Variants in TEX2 observed in about 807,000 individuals in gnomAD.
TEX2 encodes the protein testis-expressed protein 2.
A neutral mutation model predicts 106.9 loss-of-function variants in TEX2; 53 were observed. That is an observed-to-expected ratio of 0.50 (90% CI 0.40 to 0.62). TEX2 has a LOEUF of 0.62. Ranked by LOEUF, TEX2 falls within the 20% of genes least tolerant of loss-of-function variation. TEX2 has a pLI of 0.00. For synonymous variants in TEX2, 523 were observed against 534.8 expected, an observed-to-expected ratio of 0.98 and a Z score of 0.30; for missense variants, 1,207 against 1,379.0, an observed-to-expected ratio of 0.88 and a Z score of 1.98.
At chr17:64,168,084 T>G (rs897487044) in intron 7 of TEX2, among the ~76,000 whole-genome samples, 1 of 151,976 alleles carries the variant, frequency 6.6e-6, no homozygotes, top group African/African-American at 2.4e-5. Context: ...CCATAGGAGG[T>G]GGCGCTCCTT....
rs139292653 is a variant in TEX2 at position 64,150,943 on chromosome 17, T to C, written c.3159A>G (p.Pro1053=). 1.7e-5 allele frequency: 28 copies of C among 1,613,822 alleles called. No individual in the cohort carries two copies. In the African/African-American group the frequency reaches 3.6e-4, roughly 21 times the overall value. ...TDRVWYGFRK[P]PHVELKARPK... is the part of the protein sequence containing the mutation. ...GCCGAGCTTTCAGCTCCACATGTGG[T>C]GGCTTTCGGAAACCATACCTTTTTG... is the stretch of plus-strand genomic sequence containing the variant. Residue 1053 remains proline (P), a synonymous_variant, in exon 11 of 12, where the codon CCA becomes CCG. Transcript: ENST00000584379.
chr17:64,256,664 T>A (rs1174095389), intron 1 of TEX2, among the ~76,000 whole-genome samples: 4 of 152,190 alleles, frequency 2.6e-5, no homozygotes, highest in African/African-American at 9.7e-5. Flanking sequence ...GACTTGTTTG[T>A]TGTCTAGACT....
At chr17:64,235,141 A>G (rs1454683836) in intron 1 of TEX2, among the ~76,000 whole-genome samples, 1 of 152,216 alleles carries the variant, frequency 6.6e-6, no homozygotes, top group Non-Finnish European at 1.5e-5. Context: ...TACCAACATT[A>G]TAACACTATC....
intron 1 of TEX2, among the ~76,000 whole-genome samples, chr17:64,246,903 C>A (rs1211902890): frequency 1.3e-5 from 2 of 152,192 alleles, no homozygotes; most frequent in Admixed American, 1.3e-4. Context: ...CCTTTTCTTG[C>A]TGCAGATAAG....
At chr17:64,173,650 A>G (rs2031503150) in intron 6 of TEX2, among the ~76,000 whole-genome samples, 2 of 152,210 alleles carry the variant, frequency 1.3e-5, no homozygotes, top group Non-Finnish European at 2.9e-5. Context: ...TTTCCAAAGC[A>G]TCAATGTTAT....
chr17:64,242,281 A>C (rs1378945055), intron 1 of TEX2: 3 of 152,220 alleles, frequency 2.0e-5, no homozygotes, highest in African/African-American at 7.2e-5. Flanking sequence ...AGATGTCACT[A>C]TTCAATGGTA....
intron 1 of TEX2, among the ~76,000 whole-genome samples, chr17:64,239,876 A>AG (rs1555635545): frequency 1.2e-4 from 3 of 24,086 alleles, no homozygotes; most frequent in Non-Finnish European, 2.2e-4. Flanking sequence ...ACTCTGTCTC[A>AG]AAAAAAAAAA....
In TEX2 at chr17:64,147,463, G is replaced by C. The variant is rs2030094216; in HGVS notation, c.*1506C>G. The C allele has an allele frequency of 6.6e-6, 1 of 152,052 alleles. No homozygotes were observed. The highest frequency in any genetic ancestry group is 2.1e-4 in the South Asian group (1 of 4,822). The allele number at this position is 152,052 out of a possible 1,614,324, so 9.4% of individuals were successfully genotyped here. A position where few individuals can be genotyped will look rare whatever the true frequency, so the allele number is the denominator to read the frequency against. The stretch of plus-strand genomic sequence containing the variant: ...TATTTGACATTGAGATATTTATTTT[G>C]TGAAACAATGCAAGCGATTTTAAAT... On this transcript the variant is annotated 3_prime_UTR_variant, in exon 12 of 12. Coordinates refer to ENST00000584379, the MANE Select transcript of TEX2 (RefSeq NM_001288732.2).
chr17:64,186,135 C>A (rs1175189146), intron 5 of TEX2, among the ~76,000 whole-genome samples: 1 of 152,186 alleles, frequency 6.6e-6, no homozygotes, highest in Non-Finnish European at 1.5e-5. Context: ...TTGGGGAAAT[C>A]TTTCAAAAGG....
intron 1 of TEX2, among the ~76,000 whole-genome samples, chr17:64,216,337 A>C (rs976108880): frequency 6.6e-6 from 1 of 152,244 alleles, no homozygotes; most frequent in Non-Finnish European, 1.5e-5. Context: ...TATAGAGGTA[A>C]TTTAAAAAGA....
Position 64,212,903 on chromosome 17 carries a change from G to A in TEX2, c.1315C>T (p.Leu439Phe), listed in dbSNP as rs782037562. 6.2e-7 allele frequency: 1 copy of A among 1,614,180 alleles called. No individual in the cohort carries two copies. Among genetic ancestry groups the A allele is most frequent in the Non-Finnish European group, 8.5e-7 (1 of 1,180,038 alleles). The change falls in exon 2 of 12, where the codon CTC (leucine) becomes TTC (phenylalanine). Residue 439 changes from leucine to phenylalanine, a missense_variant. This residue lies in a region of TEX2 where 1,067 missense variants were observed against 1,193.6 expected (regional missense o/e 0.89). Coordinates refer to ENST00000584379, the MANE Select transcript of TEX2 (RefSeq NM_001288732.2). ...TCTGGCTTGAGAGGAATATCTGAGAGCTTATCAACTTTACTCTCCCCCTCC... is the reference window on the plus strand; with the variant it reads ...TCTGGCTTGAGAGGAATATCTGAGAACTTATCAACTTTACTCTCCCCCTCC... ...ETEGESKVDK[L>F]SDIPLKPEVL...
At position 64,208,364 on chromosome 17, in the gene TEX2, G is replaced by A. The variant is rs983925871; in HGVS notation, c.1644+4210C>T. Among the ~76,000 whole-genome samples the A allele has an allele frequency of 1.6e-4, 24 of 151,498 alleles. No individual in the cohort carries two copies. The East Asian group carries it at 4.1e-3, about 26-fold the overall frequency. ...AGCGATCTTCCTGCCTCAGCCTCTC[G>A]AGTGGCTGGGACTGCAAGCTGCGCC... On this transcript the variant is annotated intron_variant, in intron 2 of 11. Coordinates refer to ENST00000584379, the MANE Select transcript of TEX2 (RefSeq NM_001288732.2).
rs2033099130 is a variant in TEX2, at chr17:64,213,765, T to G, written c.453A>C (p.Ser151=). 6.2e-7 allele frequency: 1 copy of G among 1,614,034 alleles called. No individual in the cohort carries two copies. The highest frequency in any genetic ancestry group is 1.3e-5 in the African/African-American group (1 of 74,898). The change falls in exon 2 of 12, where the codon TCA becomes TCC. Residue 151 remains serine, a synonymous_variant. Coordinates refer to ENST00000584379, the MANE Select transcript of TEX2 (RefSeq NM_001288732.2). This position sits in a 1 kb window ranked among gnomAD's most constrained non-coding sequence, Gnocchi z 4.4. Reference sequence around the variant, plus strand: ...AACTGGTTTTCTGCTCAGAAAGGGATGACACACTGGGAGAGCTAGCTAAGG... The same window carrying G: ...AACTGGTTTTCTGCTCAGAAAGGGAGGACACACTGGGAGAGCTAGCTAAGG... ...SGPLASSPSV[S]SLSEQKTSSS... is the part of the protein sequence containing the mutation.
At chr17:64,173,189 CTTTAGCTTTATAATATAT>C (rs2031485189) in intron 6 of TEX2, among the ~76,000 whole-genome samples, 2 of 152,108 alleles carry the variant, frequency 1.3e-5, no homozygotes, top group South Asian at 4.1e-4. Flanking sequence ...GCTTTGACTA[CTTTAGCTTTATAATATAT>C]TTTAGCTTTA....
chr17:64,149,184 T>G (rs2030214967), intron 11 of TEX2, 93 bp from the exon 12 acceptor site: 1 of 1,391,150 alleles, frequency 7.2e-7, no homozygotes, highest in African/African-American at 1.5e-5. Flanking sequence ...CTTAGACTGA[T>G]TTTTAAAAGT....
chr17:64,205,936 G>A lies in TEX2; in HGVS notation c.1644+6638C>T, dbSNP rs189518187. 2.0e-5 allele frequency among the ~76,000 whole-genome samples: 3 copies of A among 152,248 alleles called. No homozygotes were observed. Among genetic ancestry groups the A allele is most frequent in the East Asian group, 1.9e-4 (1 of 5,180 alleles). On this transcript the variant is annotated intron_variant, in intron 2 of 11. Coordinates refer to ENST00000584379, the MANE Select transcript of TEX2 (RefSeq NM_001288732.2). The surrounding 1 kb of genome is among the most constrained non-coding windows in gnomAD (Gnocchi z 4.0). Reference sequence around the variant, plus strand: ...TAAATCTGAGATAAAGAATTTGCTCGTGAATATAATTCAAAATTGCATCTG... The same window carrying A: ...TAAATCTGAGATAAAGAATTTGCTCATGAATATAATTCAAAATTGCATCTG...
intron 7 of TEX2, among the ~76,000 whole-genome samples, chr17:64,161,452 T>C (rs1397181275): frequency 1.3e-5 from 2 of 152,220 alleles, no homozygotes; most frequent in Non-Finnish European, 2.9e-5. Flanking sequence ...ATGGCTCAGA[T>C]TTAACAGGAA....
rs556241452 is a variant in TEX2, at chr17:64,205,242, G to A, written c.1644+7332C>T. 1.6e-4 allele frequency among the ~76,000 whole-genome samples: 24 copies of A among 152,254 alleles called. No homozygotes were observed. The South Asian group carries it at 1.7e-3, about 11-fold the overall frequency. On this transcript the variant is annotated intron_variant, in intron 2 of 11. Transcript: ENST00000584379. The surrounding 1 kb of genome is among the most constrained non-coding windows in gnomAD (Gnocchi z 4.0). ...TGAGGCAGGAGAATTGCCTGAACCC[G>A]GGAGGCAGAGGTTGCAGTGAGCCAA... is the stretch of plus-strand genomic sequence containing the variant.
chr17:64,259,983 T>G (rs1273948995), intron 1 of TEX2, among the ~76,000 whole-genome samples: 1 of 152,216 alleles, frequency 6.6e-6, no homozygotes, highest in African/African-American at 2.4e-5. Context: ...ATTTTCCCAC[T>G]TTACAAAGAA....
Sources: allele counts gnomAD v4.1 joint callset (sites outside exome capture counted in the v4.1 genomes callset), GRCh38; gene constraint gnomAD v4.1.1; regional missense constraint gnomAD v4.1.1; non-coding constraint Gnocchi (gnomAD v3.1); transcripts MANE v1.5; gene names NCBI Gene and HGNC (gene_info 2026-07-23, HGNC 2026-07-21).